Variants in TIMM9 observed in about 807,000 individuals in gnomAD.
TIMM9 encodes translocase of inner mitochondrial membrane 9.
Under a neutral mutation model 13.4 loss-of-function variants are expected in TIMM9, and 10 were observed. The ratio of observed to expected loss-of-function variants is 0.75; its 90% CI spans 0.46 to 1.26. The LOEUF (loss-of-function observed/expected upper bound fraction) is 1.26, where lower values mean the gene tolerates loss of function less well. Among genes scored for constraint, TIMM9 ranks in the 50% most tolerant of loss-of-function variants. The probability of loss-of-function intolerance (pLI) is 0.00; values close to 1 mark genes in which losing one functional copy is unlikely to be tolerated. For missense variants in TIMM9, 87 were observed against 100.8 expected (o/e 0.86, Z 0.58); for synonymous variants, 32 against 32.1 (o/e 1.00, Z 0.01).
In TIMM9 at chr14:58,409,117, T is replaced by G; in HGVS notation, c.187A>C (p.Ile63Leu). 6.2e-7 allele frequency: 1 copy of G among 1,613,948 alleles called. No individual in the cohort carries two copies. Among genetic ancestry groups the G allele is most frequent in the Non-Finnish European group, 8.5e-7 (1 of 1,179,940 alleles). Reference protein sequence around the residue: ...LQKYLKMTQRISMRFQEYHIQ... With the variant: ...LQKYLKMTQRLSMRFQEYHIQ... ...TGATATTCCTGAAATCTCATGGATA[T>G]TCTTTGTGTCATTTTTAAATATTTC... The change falls in exon 6 of 6, where the codon ATA (isoleucine) becomes CTA (leucine). Residue 63 changes from isoleucine (I) to leucine (L), a missense_variant. By Grantham distance (5) the Ile-to-Leu change is conservative (BLOSUM62 2). Coordinates refer to ENST00000395159, the MANE Select transcript of TIMM9 (RefSeq NM_012460.4).
chr14:58,415,397 A>G (rs952826495), intron 3 of TIMM9, among the ~76,000 whole-genome samples: 1 of 152,204 alleles, frequency 6.6e-6, no homozygotes, highest in Non-Finnish European at 1.5e-5. Flanking sequence ...ACATTGATTA[A>G]TATGTGTTAG....
chr14:58,409,312 C>T (rs1386453719), intron 5 of TIMM9, 144 bp from the exon 6 acceptor site: 1 of 876,944 alleles, frequency 1.1e-6, no homozygotes, highest in African/African-American at 1.7e-5. Flanking sequence ...CAGCAACTGA[C>T]CATAGCTTTT....
chr14:58,426,212 TTTC>T (rs1364999644), intron 2 of TIMM9, among the ~76,000 whole-genome samples: 1 of 151,938 alleles, frequency 6.6e-6, no homozygotes, highest in Non-Finnish European at 1.5e-5. Context: ...AGTCTTTTTT[TTTC>T]TTTTTTTTTT....
intron 3 of TIMM9, among the ~76,000 whole-genome samples, chr14:58,412,631 T>A (rs1339206375): frequency 6.6e-6 from 1 of 152,138 alleles, no homozygotes; most frequent in African/African-American, 2.4e-5. Context: ...CTGGGTGTGG[T>A]GGCTCATGCC....
At chr14:58,417,407 G>A (rs964398215) in intron 3 of TIMM9, among the ~76,000 whole-genome samples, 1 of 150,948 alleles carries the variant, frequency 6.6e-6, no homozygotes, top group Non-Finnish European at 1.5e-5. Flanking sequence ...TGGAGGTTGA[G>A]GCAGGATTGC....
In TIMM9 at chr14:58,418,365, G is replaced by A. The variant is rs571077112; in HGVS notation, c.-27+5643C>T. Among the ~76,000 whole-genome samples the A allele has an allele frequency of 1.2e-4, 18 of 152,202 alleles. 1 individual carries two copies. The highest frequency in any genetic ancestry group is 4.1e-4 in the African/African-American group (17 of 41,536). On this transcript the variant is annotated intron_variant, in intron 3 of 5. Transcript: ENST00000395159. ...CCTACAGCCTACACTATACTTAATG[G>A]CAAAAGATAATACTTTCCCATAAGA...
At chr14:58,417,311 AAGAAAAGAAAGAG>A (rs989334210) in intron 3 of TIMM9, among the ~76,000 whole-genome samples, 38 of 151,876 alleles carry the variant, frequency 2.5e-4, no homozygotes, top group African/African-American at 9.0e-4. Flanking sequence ...TCTCCAAAAA[AAGAAAAGAAAGAG>A]AGAAAAGAAA....
chr14:58,414,594 C>T (rs1232822077), intron 3 of TIMM9, among the ~76,000 whole-genome samples: 7 of 151,634 alleles, frequency 4.6e-5, no homozygotes, highest in African/African-American at 1.2e-4. Flanking sequence ...AAAAATTAGC[C>T]GGGCATGGTG....
intron 3 of TIMM9, among the ~76,000 whole-genome samples, chr14:58,416,359 A>T (rs2036408879): frequency 6.6e-6 from 1 of 152,252 alleles, no homozygotes; most frequent in Non-Finnish European, 1.5e-5. Context: ...TTCTTTAGAA[A>T]CTATGGAGGC....
rs749839378 is a variant in TIMM9, at chr14:58,409,121, T to C, written c.183A>G (p.Gln61=). 9.9e-6 allele frequency: 16 copies of C among 1,613,774 alleles called. No individual in the cohort carries two copies. The highest frequency in any genetic ancestry group is 1.3e-5 in the African/African-American group (1 of 74,912). Residue 61 remains glutamine (Q), a synonymous_variant, in exon 6 of 6, where the codon CAA becomes CAG. Transcript: ENST00000395159. ...ATTCCTGAAATCTCATGGATATTCT[T>C]TGTGTCATTTTTAAATATTTCTGTA... The part of the protein sequence containing the change: ...HCLQKYLKMT[Q]RISMRFQEYH...
In TIMM9 at chr14:58,427,372, T is replaced by G. The variant is rs74719785; in HGVS notation, c.-304+20A>C. 713 of 457,438 alleles carry G rather than the reference T, an allele frequency of 1.6e-3. 13 individuals are homozygous for G. In the East Asian group the frequency reaches 0.025, roughly 16 times the overall value. The allele number at this position is 457,438 out of a possible 1,614,324, so 28.3% of individuals were successfully genotyped here. On this transcript the variant is annotated intron_variant, in intron 1 of 5. Transcript: ENST00000395159. ...AATAATGACCCGAATCTGTCGAAACTTCTTGGAAGCCTAATTTACCTAATC... is the reference window on the plus strand; with the variant it reads ...AATAATGACCCGAATCTGTCGAAACGTCTTGGAAGCCTAATTTACCTAATC...
intron 5 of TIMM9, among the ~76,000 whole-genome samples, chr14:58,409,500 C>A (rs1158060962): frequency 6.6e-6 from 1 of 152,142 alleles, no homozygotes; most frequent in South Asian, 2.1e-4. Context: ...AAAATGTAGA[C>A]CCAGTAGTAA....
Position 58,414,736 on chromosome 14 carries a change from C to CAAA in TIMM9, c.-26-2768_-26-2766dup, listed in dbSNP as rs35380721. Among the ~76,000 whole-genome samples, 369 of 116,926 alleles carry CAAA rather than the reference C, an allele frequency of 3.2e-3. 7 individuals carry two copies. Among genetic ancestry groups the CAAA allele is most frequent in the South Asian group, 7.4e-3 (25 of 3,362 alleles). The allele number at this position is 116,926 out of a possible 152,430, so 76.7% of individuals were successfully genotyped here. A position where few individuals can be genotyped will look rare whatever the true frequency, so the allele number is the denominator to read the frequency against. On this transcript the variant is annotated intron_variant, in intron 3 of 5. Coordinates refer to ENST00000395159, the MANE Select transcript of TIMM9 (RefSeq NM_012460.4). ...TGCACCGCATAGTGAGACGCCATCT[C>CAAA]AAAAAAAAAAAAAAAGAAAAAAAAG... is the stretch of plus-strand genomic sequence containing the variant.
chr14:58,423,378 C>A (rs904207260), intron 3 of TIMM9, among the ~76,000 whole-genome samples: 18 of 151,480 alleles, frequency 1.2e-4, no homozygotes, highest in Non-Finnish European at 1.9e-4. Context: ...ATTAGCCGGG[C>A]ATGGTGGCAC....
intron 3 of TIMM9, among the ~76,000 whole-genome samples, chr14:58,421,703 A>G (rs1315183020): frequency 1.3e-5 from 2 of 152,260 alleles, no homozygotes; most frequent in African/African-American, 2.4e-5. Context: ...TCCCACTCAG[A>G]AAACAGTCTG....
intron 3 of TIMM9, among the ~76,000 whole-genome samples, chr14:58,417,869 C>A (rs1435706171): frequency 6.6e-6 from 1 of 152,064 alleles, no homozygotes; most frequent in Non-Finnish European, 1.5e-5. Flanking sequence ...ACAAATTATA[C>A]ATCAGGAATG....
intron 3 of TIMM9, 106 bp from the exon 4 acceptor site, chr14:58,412,077 A>G: frequency 3.9e-6 from 3 of 769,538 alleles, no homozygotes; most frequent in Non-Finnish European, 6.5e-6. Flanking sequence ...CTGTGTATGT[A>G]ATTGTATGCC....
intron 3 of TIMM9, among the ~76,000 whole-genome samples, chr14:58,422,702 A>G (rs948699943): frequency 1.3e-5 from 2 of 152,108 alleles, no homozygotes; most frequent in Non-Finnish European, 2.9e-5. Flanking sequence ...TTGAAAAACA[A>G]AAGATAGTTC....
In TIMM9 at chr14:58,411,964, T is replaced by C. The variant is rs1286742029; in HGVS notation, c.-19A>G. The stretch of plus-strand genomic sequence containing the variant: ...CAGCCATATTCTTCTGGTACCTTTA[T>C]TAGTCACCTAATTTAAAAATTCAAA... On this transcript the variant is annotated 5_prime_UTR_variant, in exon 4 of 6. Coordinates refer to ENST00000395159, the MANE Select transcript of TIMM9 (RefSeq NM_012460.4). 1 of 1,612,148 alleles carries C rather than the reference T, an allele frequency of 6.2e-7. No individual in the cohort carries two copies. The highest frequency in any genetic ancestry group is 1.1e-5 in the South Asian group (1 of 90,994).
Sources: allele counts gnomAD v4.1 joint callset (sites outside exome capture counted in the v4.1 genomes callset), GRCh38; gene constraint gnomAD v4.1.1; transcripts MANE v1.5; gene names NCBI Gene and HGNC (gene_info 2026-07-23, HGNC 2026-07-21).